The following KHDRBS2 variants were observed in gnomAD, a reference collection of about 807,000 sequenced individuals.
KHDRBS2 encodes KH RNA binding domain containing, signal transduction associated 2.
KHDRBS2 carries 26 observed loss-of-function variants against 44.3 expected under a neutral mutation model. The observed-to-expected ratio is 0.59, with a 90% CI of 0.43 to 0.81. The LOEUF is 0.81. KHDRBS2 is among the 40% of genes least tolerant of loss of function. The pLI is 0.00. For missense variants in KHDRBS2, 476 were observed against 433.1 expected (o/e 1.10, Z -0.88); for synonymous variants, 194 against 151.1 (o/e 1.28, Z -2.08).
At chr6:62,232,773 T>C (rs1360366841) in intron 1 of KHDRBS2, among the ~76,000 whole-genome samples, 1 of 152,164 alleles carries the variant, frequency 6.6e-6, no homozygotes, top group African/African-American at 2.4e-5. Context: ...AAGTTGGTTT[T>C]AACTGCAAGT....
At chr6:62,125,268 C>T (rs963721425) in intron 2 of KHDRBS2, among the ~76,000 whole-genome samples, 5 of 152,164 alleles carry the variant, frequency 3.3e-5, no homozygotes, top group South Asian at 2.1e-4. Flanking sequence ...AAAGCAACAT[C>T]GAGAACTCAG....
intron 7 of KHDRBS2, among the ~76,000 whole-genome samples, chr6:61,714,625 T>C (rs931735768): frequency 2.6e-5 from 4 of 151,902 alleles, no homozygotes; most frequent in African/African-American, 7.2e-5. Flanking sequence ...CTATTCACTA[T>C]AGCAAAGATA....
At chr6:62,273,792 T>C (rs1209116184) in intron 1 of KHDRBS2, among the ~76,000 whole-genome samples, 1 of 152,140 alleles carries the variant, frequency 6.6e-6, no homozygotes, top group Non-Finnish European at 1.5e-5. Flanking sequence ...CCAACTGAAC[T>C]CAGCATTAAC....
chr6:62,231,271 A>G (rs1311999042), intron 1 of KHDRBS2, among the ~76,000 whole-genome samples: 1 of 152,186 alleles, frequency 6.6e-6, no homozygotes, highest in East Asian at 1.9e-4. Flanking sequence ...GGTTTAATTG[A>G]CTAACAATTC....
intron 6 of KHDRBS2, among the ~76,000 whole-genome samples, chr6:61,772,279 C>A (rs1781056965): frequency 6.6e-6 from 1 of 152,082 alleles, no homozygotes; most frequent in African/African-American, 2.4e-5. Context: ...CAAGAGCAAA[C>A]ACATTCAAAA....
At chr6:61,917,851 A>T (rs1807305006) in intron 4 of KHDRBS2, among the ~76,000 whole-genome samples, 1 of 152,016 alleles carries the variant, frequency 6.6e-6, no homozygotes, top group Non-Finnish European at 1.5e-5. Flanking sequence ...TTTCAATAGC[A>T]TAATGTTATG....
the KHDRBS2 span, among the ~76,000 whole-genome samples, chr6:61,632,240 G>A: frequency 1.3e-5 from 2 of 152,052 alleles, no homozygotes; most frequent in African/African-American, 2.4e-5. Context: ...GATACCAAAT[G>A]ATCTTTAGAA....
chr6:62,080,644 A>T (rs1258840567), intron 2 of KHDRBS2, among the ~76,000 whole-genome samples: 1 of 152,126 alleles, frequency 6.6e-6, no homozygotes, highest in South Asian at 2.1e-4. Flanking sequence ...GTTCTAGATC[A>T]TCTCAATTTG....
At chr6:62,219,440 A>G (rs1830523566) in intron 1 of KHDRBS2, among the ~76,000 whole-genome samples, 1 of 151,836 alleles carries the variant, frequency 6.6e-6, no homozygotes, top group South Asian at 2.1e-4. Flanking sequence ...CAATATTACA[A>G]TCAATTCTAA....
At chr6:61,593,902 G>A in the KHDRBS2 span, among the ~76,000 whole-genome samples, 1 of 152,078 alleles carries the variant, frequency 6.6e-6, no homozygotes, top group Non-Finnish European at 1.5e-5. Flanking sequence ...AAGTCTATTG[G>A]CTTTATAAAG....
chr6:61,769,254 T>C (rs1780458896), intron 6 of KHDRBS2, among the ~76,000 whole-genome samples: 1 of 152,012 alleles, frequency 6.6e-6, no homozygotes, highest in Admixed American at 6.6e-5. Flanking sequence ...ACACGGGTGA[T>C]TTCGGCATTT....
the KHDRBS2 span, among the ~76,000 whole-genome samples, chr6:61,610,303 C>T: frequency 1.3e-5 from 2 of 152,104 alleles, no homozygotes; most frequent in African/African-American, 4.8e-5. Context: ...ACCTATTTAG[C>T]ATGGTTTTAA....
chr6:61,714,211 A>G (rs7744753), intron 7 of KHDRBS2, among the ~76,000 whole-genome samples: 4,977 of 151,968 alleles, frequency 0.033, 269 homozygotes, highest in African/African-American at 0.11. Context: ...AACAACAAAA[A>G]AACCCCCAAA....
intron 1 of KHDRBS2, among the ~76,000 whole-genome samples, chr6:62,247,676 T>C (rs1352417999): frequency 6.6e-6 from 1 of 152,026 alleles, no homozygotes; most frequent in Admixed American, 6.6e-5. Context: ...AGAGAGCAAA[T>C]GATGGCTCCT....
intron 4 of KHDRBS2, among the ~76,000 whole-genome samples, chr6:61,959,905 G>T (rs1056188121): frequency 4.6e-5 from 7 of 152,166 alleles, no homozygotes; most frequent in African/African-American, 1.7e-4. Context: ...TTCTAGCTAG[G>T]TATATGTTTT....
At chr6:62,229,385 T>C (rs1470493102) in intron 1 of KHDRBS2, among the ~76,000 whole-genome samples, 1 of 152,166 alleles carries the variant, frequency 6.6e-6, no homozygotes, top group African/African-American at 2.4e-5. Flanking sequence ...AAGTGTGACC[T>C]GGAGCTATAG....
the KHDRBS2 span, among the ~76,000 whole-genome samples, chr6:61,611,706 T>G: frequency 0.044 from 6,776 of 152,314 alleles, 156 homozygotes; most frequent in East Asian, 0.087. Context: ...GAGTCCTATA[T>G]ACACTCATTT....
chr6:61,799,851 C>G (rs1042760255), intron 6 of KHDRBS2, among the ~76,000 whole-genome samples: 2 of 151,888 alleles, frequency 1.3e-5, no homozygotes, highest in Non-Finnish European at 2.9e-5. Context: ...GTTCAATAAA[C>G]CTATGAAAAC....
intron 3 of KHDRBS2, among the ~76,000 whole-genome samples, chr6:61,983,943 T>C (rs1774505063): frequency 6.6e-6 from 1 of 152,188 alleles, no homozygotes; most frequent in East Asian, 1.9e-4. Flanking sequence ...CTTAATTTTG[T>C]CATCAATTAA....
Sources: allele counts gnomAD v4.1 joint callset (sites outside exome capture counted in the v4.1 genomes callset), GRCh38; gene constraint gnomAD v4.1.1; transcripts MANE v1.5; gene names NCBI Gene and HGNC (gene_info 2026-07-23, HGNC 2026-07-21).